RHBDL3: variants seen among roughly 807,000 people sequenced by gnomAD.
The protein encoded by RHBDL3 is rhomboid like 3.
RHBDL3 carries 28 observed loss-of-function variants against 48.2 expected under a neutral mutation model. The ratio of observed to expected loss-of-function variants is 0.58; its 90% confidence interval spans 0.43 to 0.80. The LOEUF (loss-of-function observed/expected upper bound fraction) is 0.80, where lower values mean the gene tolerates loss of function less well. RHBDL3 is among the 30% of genes least tolerant of loss of function. The pLI is 0.00. For synonymous variants in RHBDL3, 208 were observed against 232.3 expected (o/e 0.90, Z 0.95); for missense variants, 464 against 542.7 (o/e 0.85, Z 1.44).
At chr17:32,272,553 G>A (rs2039796333) in intron 2 of RHBDL3, among the ~76,000 whole-genome samples, 1 of 152,152 alleles carries the variant, frequency 6.6e-6, no homozygotes, top group South Asian at 2.1e-4. Context: ...GAGCCCTTGG[G>A]CTCTGCACCC....
At chr17:32,299,531 C>A (rs2040534523) in intron 6 of RHBDL3, among the ~76,000 whole-genome samples, 1 of 152,198 alleles carries the variant, frequency 6.6e-6, no homozygotes, top group Admixed American at 6.5e-5. Flanking sequence ...CCTCATTTTC[C>A]ATACCTCAAT....
chr17:32,321,348 G>A lies in RHBDL3; in HGVS notation c.*119G>A. ...GGGCAGACAAGGACAGAAGACTCTG[G>A]GCCACTGTAATGTTTGTGTTTAGAT... On this transcript the variant is annotated 3_prime_UTR_variant, in exon 9 of 9. Coordinates refer to ENST00000269051, the MANE Select transcript of RHBDL3 (RefSeq NM_138328.3). The A allele has an allele frequency of 4.5e-6, 7 of 1,552,716 alleles. No homozygotes were observed. The highest frequency in any genetic ancestry group is 5.2e-6 in the Non-Finnish European group (6 of 1,153,958).
intron 4 of RHBDL3, 110 bp from the exon 5 acceptor site, chr17:32,294,184 T>G: frequency 1.4e-5 from 12 of 857,830 alleles, no homozygotes; most frequent in East Asian, 2.8e-5. Context: ...CCTCTTTCTC[T>G]GAGAAGGAAA....
intron 7 of RHBDL3, among the ~76,000 whole-genome samples, chr17:32,306,724 C>A (rs1036968042): frequency 5.9e-5 from 9 of 152,216 alleles, no homozygotes; most frequent in African/African-American, 2.2e-4. Flanking sequence ...AGTTCAAGAC[C>A]AGCCCAGGCA....
intron 7 of RHBDL3, among the ~76,000 whole-genome samples, chr17:32,311,969 C>T (rs1302223629): frequency 6.6e-6 from 1 of 152,170 alleles, no homozygotes; most frequent in Admixed American, 6.5e-5. Flanking sequence ...CACTGATGGC[C>T]AACCAGGCCA....
At chr17:32,301,035 G>A (rs1447658981) in intron 6 of RHBDL3, among the ~76,000 whole-genome samples, 1 of 152,140 alleles carries the variant, frequency 6.6e-6, no homozygotes, top group Admixed American at 6.5e-5. Context: ...GCCCACCACC[G>A]CGCCCGGCTA....
At position 32,316,221 on chromosome 17, in the gene RHBDL3, T is replaced by A. The variant is rs768703823; in HGVS notation, c.883-11T>A. Reference sequence around the variant, plus strand: ...TAATCTGGAACTGACTGAGCTCTCCTTTTTCCCTAGAACTGGTCAGGCATG... The same window carrying A: ...TAATCTGGAACTGACTGAGCTCTCCATTTTCCCTAGAACTGGTCAGGCATG... On this transcript the variant is annotated splice_polypyrimidine_tract_variant and intron_variant, in intron 7 of 8. Coordinates refer to ENST00000269051, the MANE Select transcript of RHBDL3 (RefSeq NM_138328.3). 2 of 1,602,854 alleles carry A rather than the reference T, an allele frequency of 1.2e-6. No homozygotes were observed. Among genetic ancestry groups the A allele is most frequent in the Non-Finnish European group, 1.7e-6 (2 of 1,170,642 alleles).
chr17:32,280,033 G>T (rs1442574280), intron 2 of RHBDL3, among the ~76,000 whole-genome samples: 1 of 152,172 alleles, frequency 6.6e-6, no homozygotes, highest in African/African-American at 2.4e-5. Context: ...GAGGATTAGG[G>T]TCGGACGCTG....
At chr17:32,283,587 T>A (rs544948397) in intron 2 of RHBDL3, among the ~76,000 whole-genome samples, 2 of 152,202 alleles carry the variant, frequency 1.3e-5, no homozygotes, top group Non-Finnish European at 2.9e-5. Flanking sequence ...CCTCCCAAAG[T>A]GCTGGGATTA....
Position 32,321,827 on chromosome 17 carries a change from G to A in RHBDL3, c.*598G>A, listed in dbSNP as rs1193888808. 3 of 181,168 alleles carry A rather than the reference G, an allele frequency of 1.7e-5. No individual in the cohort carries two copies. Among genetic ancestry groups the A allele is most frequent in the Non-Finnish European group, 3.6e-5 (3 of 84,198 alleles). The allele number at this position is 181,168 out of a possible 1,614,324, so 11.2% of individuals were successfully genotyped here. A position where few individuals can be genotyped will look rare whatever the true frequency, so the allele number is the denominator to read the frequency against. On this transcript the variant is annotated 3_prime_UTR_variant, in exon 9 of 9. Transcript: ENST00000269051. ...CCGGGGCATGATCTGTTGTGCCTGG[G>A]TTGGGCAGAGCAGGGAGCCTGTAGG...
chr17:32,275,434 G>T (rs906881350), intron 2 of RHBDL3, among the ~76,000 whole-genome samples: 27 of 152,220 alleles, frequency 1.8e-4, no homozygotes, highest in African/African-American at 6.5e-4. Flanking sequence ...GTCGGAAGGA[G>T]GAGAAGGGGC....
At chr17:32,306,247 C>A (rs2040708505) in intron 7 of RHBDL3, among the ~76,000 whole-genome samples, 1 of 151,904 alleles carries the variant, frequency 6.6e-6, no homozygotes, top group Admixed American at 6.6e-5. Flanking sequence ...CATGGTGAAA[C>A]CCCATCTCTA....
rs1414130316 is a variant in RHBDL3 at position 32,289,277 on chromosome 17, A to G, written c.519+261A>G. ...ATACTTACTGCAGCCAAATCCCCGT[A>G]GGACCACTACCCCCCACCCACCCCA... On this transcript the variant is annotated intron_variant, in intron 4 of 8. Coordinates refer to ENST00000269051, the MANE Select transcript of RHBDL3 (RefSeq NM_138328.3). Among the ~76,000 whole-genome samples the G allele has an allele frequency of 5.9e-5, 9 of 152,316 alleles. No individual in the cohort carries two copies. The East Asian group carries it at 1.7e-3, about 29-fold the overall frequency.
intron 4 of RHBDL3, among the ~76,000 whole-genome samples, chr17:32,293,526 G>A (rs1411251777): frequency 6.6e-6 from 1 of 150,550 alleles, no homozygotes; most frequent in Non-Finnish European, 1.5e-5. Context: ...AGGTTGCAGT[G>A]AGCCAAGACT....
In RHBDL3 at chr17:32,267,073, GTGAAAAA is replaced by G. The variant is rs530239645; in HGVS notation, c.111+774_111+780del. Reference sequence around the variant, plus strand: ...TCCCGGGGCTAACCTACACATAGGGGTGAAAAACCGGGCAGACACCCTGCCCTGCCCA... The same window carrying G: ...TCCCGGGGCTAACCTACACATAGGGGCCGGGCAGACACCCTGCCCTGCCCA... On this transcript the variant is annotated intron_variant, in intron 1 of 8. Coordinates refer to ENST00000269051, the MANE Select transcript of RHBDL3 (RefSeq NM_138328.3). Among the ~76,000 whole-genome samples the G allele has an allele frequency of 2.1e-4, 32 of 152,274 alleles. No homozygotes were observed. The South Asian group carries it at 6.0e-3, about 29-fold the overall frequency.
chr17:32,299,162 T>C (rs2040525362), intron 6 of RHBDL3, among the ~76,000 whole-genome samples: 1 of 152,098 alleles, frequency 6.6e-6, no homozygotes, highest in Non-Finnish European at 1.5e-5. Context: ...TGAGTGGTAT[T>C]AAAGTTGTCA....
At chr17:32,287,891 G>A (rs757704019) in intron 3 of RHBDL3, among the ~76,000 whole-genome samples, 1 of 152,228 alleles carries the variant, frequency 6.6e-6, no homozygotes, top group Non-Finnish European at 1.5e-5. Flanking sequence ...GGGAGGCCAG[G>A]AGTCAGCAAG....
At chr17:32,316,317 A>T in intron 8 of RHBDL3, 25 bp downstream of exon 8, 1 of 1,593,254 alleles carries the variant, frequency 6.3e-7, no homozygotes, top group Non-Finnish European at 8.6e-7. Flanking sequence ...GGCGCTGGGG[A>T]ACCAAAGCCT....
chr17:32,301,319 G>T (rs555147579), intron 6 of RHBDL3, among the ~76,000 whole-genome samples: 1 of 151,748 alleles, frequency 6.6e-6, no homozygotes, highest in African/African-American at 2.4e-5. Context: ...TGTAATCCCA[G>T]CACTTTGGGA....
Sources: gnomAD v4.1 joint callset for allele counts (sites outside exome capture counted in the v4.1 genomes callset) on GRCh38, gnomAD v4.1.1 for gene constraint, MANE v1.5 for transcripts, NCBI Gene and HGNC (gene_info 2026-07-23, HGNC 2026-07-21) for gene names.